Variants in RIMS1 observed in about 807,000 individuals in gnomAD.
The protein encoded by RIMS1 is regulating synaptic membrane exocytosis protein 1.
In RIMS1, 83 loss-of-function variants were observed where a neutral mutation model predicts 214.1. That is an observed-to-expected ratio of 0.39 (90% confidence interval 0.32 to 0.47). The LOEUF (loss-of-function observed/expected upper bound fraction) is 0.47. Ranked by LOEUF, RIMS1 falls within the 20% of genes least tolerant of loss-of-function variation. The pLI, the probability that RIMS1 is intolerant of heterozygous loss-of-function variation, is 0.99. For missense variants in RIMS1, 2,050 were observed against 2,161.8 expected (o/e 0.95, Z 1.03); for synonymous variants, 793 against 786.8 (o/e 1.01, Z -0.13).
intron 10 of RIMS1, among the ~76,000 whole-genome samples, chr6:72,243,044 C>T (rs2067657228): frequency 6.6e-6 from 1 of 151,672 alleles, no homozygotes; most frequent in Non-Finnish European, 1.5e-5. Context: ...ATATAGATTT[C>T]CCCATATCGT....
At position 72,263,358 on chromosome 6, in the gene RIMS1, T is replaced by C. The variant is rs937282294; in HGVS notation, c.3117-1617T>C. The C allele has an allele frequency of 5.1e-6, 5 of 984,684 alleles. No individual in the cohort carries two copies. The African/African-American group carries it at 8.7e-5, about 17-fold the overall frequency. The allele number at this position is 984,684 out of a possible 1,614,324, so 61.0% of individuals were successfully genotyped here. ...GTATCCTACTGTGTCCTAAATATTGTGTACATGTTACCACACACCCCTGTT... is the reference window on the plus strand; with the variant it reads ...GTATCCTACTGTGTCCTAAATATTGCGTACATGTTACCACACACCCCTGTT... On this transcript the variant is annotated intron_variant, in intron 19 of 33. Transcript: ENST00000521978.
At chr6:72,091,314 G>C (rs1178140261) in intron 2 of RIMS1, among the ~76,000 whole-genome samples, 2 of 152,100 alleles carry the variant, frequency 1.3e-5, no homozygotes, top group African/African-American at 4.8e-5. Flanking sequence ...CAGGAAGAAA[G>C]GTAGAATTTT....
intron 4 of RIMS1, among the ~76,000 whole-genome samples, chr6:72,156,400 C>T (rs1457101907): frequency 7.1e-6 from 1 of 140,492 alleles, no homozygotes; most frequent in East Asian, 2.0e-4. Flanking sequence ...TACCACTTAT[C>T]ACTTGTATAT....
In RIMS1 at chr6:72,393,541, G is replaced by A. The variant is rs751311066; in HGVS notation, c.4618+731G>A. On this transcript the variant is annotated intron_variant, in intron 31 of 33. Transcript: ENST00000521978. ...AGACCGAGACCATCCTGGCTAACACGGTGAAACCCCCGTCTCTACTAAAAA... is the reference window on the plus strand; with the variant it reads ...AGACCGAGACCATCCTGGCTAACACAGTGAAACCCCCGTCTCTACTAAAAA... Among the ~76,000 whole-genome samples the A allele has an allele frequency of 7.2e-5, 11 of 152,112 alleles. 1 individual carries two copies. The South Asian group carries it at 1.0e-3, about 14-fold the overall frequency.
chr6:72,106,364 C>G (rs1246849350), intron 4 of RIMS1, among the ~76,000 whole-genome samples: 7 of 152,266 alleles, frequency 4.6e-5, no homozygotes, highest in African/African-American at 1.7e-4. Flanking sequence ...AAAACTAAAT[C>G]TTTCAGGGAG....
intron 12 of RIMS1, among the ~76,000 whole-genome samples, chr6:72,249,182 A>G (rs187190115): frequency 1.3e-5 from 2 of 152,336 alleles, no homozygotes; most frequent in African/African-American, 2.4e-5. Context: ...TATTAACAGC[A>G]TATGCTTACT....
At chr6:72,220,487 T>C (rs1260558846) in intron 6 of RIMS1, among the ~76,000 whole-genome samples, 1 of 152,058 alleles carries the variant, frequency 6.6e-6, no homozygotes, top group African/African-American at 2.4e-5. Flanking sequence ...GTACTTGACA[T>C]TCAGTGGTAG....
intron 2 of RIMS1, among the ~76,000 whole-genome samples, chr6:72,016,849 T>A (rs2151909942): frequency 6.6e-6 from 1 of 152,322 alleles, no homozygotes; most frequent in Non-Finnish European, 1.5e-5. Context: ...TCAATGCTTA[T>A]AATAGGGAGA....
rs1203140123 is a variant in RIMS1 at position 72,313,630 on chromosome 6, G to A, written c.4088G>A (p.Ser1363Asn). The A allele has an allele frequency of 1.9e-6, 3 of 1,613,558 alleles. No homozygotes were observed. Among genetic ancestry groups the A allele is most frequent in the South Asian group, 1.1e-5 (1 of 90,984 alleles). The change falls in exon 28 of 34, where the codon AGC becomes AAC. Residue 1363 changes from serine to asparagine, a missense_variant. Ser to Asn is a conservative substitution (Grantham distance 46). Transcript: ENST00000521978. ...AGTGCCTCACGCCTCAGCAGCACAA[G>A]CTTTATGTCAGAGCAATCTGAGCGC... is the stretch of plus-strand genomic sequence containing the variant. ...TSSASRLSST[S>N]FMSEQSERPR...
chr6:72,080,880 A>C (rs1409693607), intron 2 of RIMS1, among the ~76,000 whole-genome samples: 1 of 152,196 alleles, frequency 6.6e-6, no homozygotes, highest in Non-Finnish European at 1.5e-5. Flanking sequence ...GTAGTAACAA[A>C]ACATTACTTA....
chr6:72,028,473 A>C (rs1025843556), intron 2 of RIMS1, among the ~76,000 whole-genome samples: 3 of 152,204 alleles, frequency 2.0e-5, no homozygotes, highest in African/African-American at 7.2e-5. Flanking sequence ...GAAATCTAGA[A>C]TCTGCCAGAT....
At position 72,386,834 on chromosome 6, in the gene RIMS1, C is replaced by T. The variant is rs190016963; in HGVS notation, c.4367-3764C>T. On this transcript the variant is annotated intron_variant, in intron 29 of 33. Coordinates refer to ENST00000521978, the MANE Select transcript of RIMS1 (RefSeq NM_014989.7). ...CTGCAAGCTCCGCCTTCCAGCTTCACGCCATTCTCCTGCCTGAGCCTCCCG... is the reference window on the plus strand; with the variant it reads ...CTGCAAGCTCCGCCTTCCAGCTTCATGCCATTCTCCTGCCTGAGCCTCCCG... Among the ~76,000 whole-genome samples the T allele has an allele frequency of 4.5e-3, 680 of 150,642 alleles. 2 individuals carry two copies. The highest frequency in any genetic ancestry group is 7.6e-3 in the South Asian group (36 of 4,756).
rs547016228 is a variant in RIMS1, at chr6:72,074,171, A to G, written c.246-22778A>G. ...CTGACCCACTCTCCATTTGCCCGTT[A>G]CTACCTTAAGAGAGGTAGTTTTCTA... On this transcript the variant is annotated intron_variant, in intron 2 of 33. Transcript: ENST00000521978. 3.3e-5 allele frequency among the ~76,000 whole-genome samples: 5 copies of G among 152,296 alleles called. 1 individual carries two copies. In the South Asian group the frequency reaches 1.0e-3, roughly 32 times the overall value.
intron 2 of RIMS1, among the ~76,000 whole-genome samples, chr6:72,057,036 C>G (rs471574): frequency 0.78 from 118,959 of 152,050 alleles, 47,328 homozygotes; most frequent in African/African-American, 0.94. Flanking sequence ...AGGGTGGGAG[C>G]AGGGAAAGGA....
intron 1 of RIMS1, among the ~76,000 whole-genome samples, chr6:71,924,045 CT>C (rs1780831828): frequency 6.6e-6 from 1 of 152,086 alleles, no homozygotes; most frequent in Non-Finnish European, 1.5e-5. Context: ...TCTTTTTGCC[CT>C]CACTTTCTGC....
intron 4 of RIMS1, among the ~76,000 whole-genome samples, chr6:72,137,236 TA>T (rs2041435149): frequency 6.6e-6 from 1 of 152,084 alleles, no homozygotes; most frequent in African/African-American, 2.4e-5. Context: ...CATATATTCT[TA>T]GTAGCATTTT....
intron 4 of RIMS1, among the ~76,000 whole-genome samples, chr6:72,110,888 G>A (rs1049569072): frequency 6.6e-6 from 1 of 152,076 alleles, no homozygotes; most frequent in Admixed American, 6.6e-5. Flanking sequence ...TCAATACCTA[G>A]GTTTCAGTTT....
At chr6:72,339,016 G>A (rs1180564463) in intron 29 of RIMS1, among the ~76,000 whole-genome samples, 1 of 151,846 alleles carries the variant, frequency 6.6e-6, no homozygotes, top group Non-Finnish European at 1.5e-5. Flanking sequence ...GGGATGAATG[G>A]CATACTGTTC....
intron 8 of RIMS1, 104 bp from the exon 9 acceptor site, chr6:72,237,719 G>A (rs1590022106): frequency 2.5e-6 from 2 of 800,174 alleles, no homozygotes; most frequent in East Asian, 5.3e-5. Context: ...GTTTCTACAT[G>A]CAATTTCAAG....
Sources: gnomAD v4.1 joint callset for allele counts (sites outside exome capture counted in the v4.1 genomes callset) on GRCh38, gnomAD v4.1.1 for gene constraint, MANE v1.5 for transcripts, NCBI Gene and HGNC (gene_info 2026-07-23, HGNC 2026-07-21) for gene names.